The following AGBL1 variants were observed in gnomAD, a reference collection of about 807,000 sequenced individuals.
The protein encoded by AGBL1 is cytosolic carboxypeptidase 4.
A neutral mutation model predicts 118.9 loss-of-function variants in AGBL1; 130 were observed. The observed-to-expected ratio is 1.09, with a 90% CI of 0.95 to 1.26. The LOEUF (loss-of-function observed/expected upper bound fraction) is 1.26. AGBL1 is among the 50% of genes most tolerant of loss of function. AGBL1 has a pLI of 0.00. For missense variants in AGBL1, 1,584 were observed against 1,298.1 expected, an observed-to-expected ratio of 1.22 and a Z score of -3.38; for synonymous variants, 555 against 478.9, an observed-to-expected ratio of 1.16 and a Z score of -2.08.
chr15:86,247,642 A>C (rs1382454700), intron 6 of AGBL1, 29 bp from the exon 7 acceptor site: 1 of 1,567,846 alleles, frequency 6.4e-7, no homozygotes, highest in South Asian at 1.2e-5. Context: ...AGAGCCTGTG[A>C]CTGACCCTGC....
At chr15:86,278,235 C>A (rs1314902028) in intron 15 of AGBL1, among the ~76,000 whole-genome samples, 1 of 152,156 alleles carries the variant, frequency 6.6e-6, no homozygotes. Flanking sequence ...TTTCTGTGGG[C>A]ATAAAGGAAA....
intron 24 of AGBL1, among the ~76,000 whole-genome samples, chr15:87,018,077 T>C (rs1267526706): frequency 6.6e-6 from 1 of 151,622 alleles, no homozygotes. Flanking sequence ...TAGAGAAAAA[T>C]AATGAAAAGG....
chr15:86,941,972 G>C (rs552459333), intron 23 of AGBL1, among the ~76,000 whole-genome samples: 1 of 152,204 alleles, frequency 6.6e-6, no homozygotes, highest in Non-Finnish European at 1.5e-5. Flanking sequence ...TAAAAAGGGT[G>C]ATATTGGAAC....
chr15:86,091,622 C>G (rs567307068), intron 1 of AGBL1, among the ~76,000 whole-genome samples: 3 of 152,284 alleles, frequency 2.0e-5, no homozygotes, highest in African/African-American at 7.2e-5. Context: ...ACACTTTTCC[C>G]AGATAGATAT....
intron 20 of AGBL1, 54 bp from the exon 21 acceptor site, chr15:86,554,307 A>G: frequency 7.1e-7 from 1 of 1,408,800 alleles, no homozygotes; most frequent in Non-Finnish European, 9.6e-7. Flanking sequence ...TTTTATGATG[A>G]CTATCCCTAG....
intron 22 of AGBL1, among the ~76,000 whole-genome samples, chr15:86,770,375 C>T (rs2078159880): frequency 6.6e-6 from 1 of 151,812 alleles, no homozygotes; most frequent in Non-Finnish European, 1.5e-5. Flanking sequence ...ATCTTCATGA[C>T]TGGGAAGGTA....
At chr15:86,997,441 G>A (rs2081390587) in intron 24 of AGBL1, among the ~76,000 whole-genome samples, 1 of 152,112 alleles carries the variant, frequency 6.6e-6, no homozygotes, top group South Asian at 2.1e-4. Context: ...TTGTTTACAT[G>A]TCAAAAATAA....
intron 18 of AGBL1, among the ~76,000 whole-genome samples, chr15:86,482,762 A>G (rs975256482): frequency 6.6e-6 from 1 of 152,052 alleles, no homozygotes; most frequent in Non-Finnish European, 1.5e-5. Context: ...GGGTCTATAC[A>G]CAGTCAACAT....
intron 17 of AGBL1, 149 bp from the exon 18 acceptor site, chr15:86,397,217 A>G: frequency 3.6e-6 from 2 of 558,944 alleles, no homozygotes; most frequent in Non-Finnish European, 5.7e-6. Flanking sequence ...AACTGAAAAC[A>G]TTGAAGGAAA....
At chr15:86,286,045 A>G (rs1445857176) in intron 16 of AGBL1, among the ~76,000 whole-genome samples, 1 of 152,004 alleles carries the variant, frequency 6.6e-6, no homozygotes, top group Non-Finnish European at 1.5e-5. Flanking sequence ...CTTAATTGTA[A>G]TATCACAGAA....
Position 86,564,539 on chromosome 15 carries a change from C to T in AGBL1, c.2994+10002C>T, listed in dbSNP as rs536150216. Among the ~76,000 whole-genome samples the T allele has an allele frequency of 3.3e-5, 5 of 152,300 alleles. No individual in the cohort carries two copies. In the South Asian group the frequency reaches 1.0e-3, roughly 32 times the overall value. On this transcript the variant is annotated intron_variant, in intron 21 of 22. Transcript: ENST00000614907. Reference sequence around the variant, plus strand: ...GGGCTTCCCTTTGTGGGTAACCCGACCTTTCTCTCTGGCTGCCCTTAACAT... The same window carrying T: ...GGGCTTCCCTTTGTGGGTAACCCGATCTTTCTCTCTGGCTGCCCTTAACAT...
chr15:86,215,661 A>G (rs2078176331), intron 5 of AGBL1, among the ~76,000 whole-genome samples: 1 of 152,172 alleles, frequency 6.6e-6, no homozygotes, highest in South Asian at 2.1e-4. Flanking sequence ...TACCTTTCTT[A>G]GTCTCTTCAT....
At chr15:86,941,114 A>C (rs1214881432) in intron 23 of AGBL1, among the ~76,000 whole-genome samples, 1 of 152,250 alleles carries the variant, frequency 6.6e-6, no homozygotes, top group Non-Finnish European at 1.5e-5. Flanking sequence ...GAAGTAAAAA[A>C]CATGGTTCTA....
rs2080358089 is a variant in AGBL1 at position 86,911,966 on chromosome 15, A to C, written c.*4672A>C. 6.6e-6 allele frequency: 1 copy of C among 152,134 alleles called. No individual in the cohort carries two copies. The highest frequency in any genetic ancestry group is 2.4e-5 in the African/African-American group (1 of 41,414). The allele number at this position is 152,134 out of a possible 1,614,324, so 9.4% of individuals were successfully genotyped here. A position where few individuals can be genotyped will look rare whatever the true frequency, so the allele number is the denominator to read the frequency against. ...GAGCTCTAAAGTGCACAAACCTGCTATTATCTTGGCATCTGTCCCTATACC... is the reference window on the plus strand; with the variant it reads ...GAGCTCTAAAGTGCACAAACCTGCTCTTATCTTGGCATCTGTCCCTATACC... On this transcript the variant is annotated 3_prime_UTR_variant, in exon 23 of 23. Coordinates refer to ENST00000614907, the MANE Select transcript of AGBL1 (RefSeq NM_001386094.1).
At chr15:86,395,125 T>TCA (rs2081344307) in intron 17 of AGBL1, among the ~76,000 whole-genome samples, 1 of 152,130 alleles carries the variant, frequency 6.6e-6, no homozygotes, top group African/African-American at 2.4e-5. Flanking sequence ...ACTCTATGGT[T>TCA]GAGAATGTCT....
At chr15:86,744,635 GA>G (rs574391295) in intron 22 of AGBL1, among the ~76,000 whole-genome samples, 6 of 152,226 alleles carry the variant, frequency 3.9e-5, no homozygotes, top group South Asian at 2.1e-4. Context: ...TTCACCCCCA[GA>G]GGGGGGGAGG....
At chr15:86,307,081 G>A (rs1597712337) in intron 17 of AGBL1, among the ~76,000 whole-genome samples, 1 of 152,056 alleles carries the variant, frequency 6.6e-6, no homozygotes, top group African/African-American at 2.4e-5. Flanking sequence ...TTGTCAGAGG[G>A]GAGTTTTAAA....
rs1282756484 is a variant in AGBL1 at position 86,633,843 on chromosome 15, ATAATG to A, written c.2995-40427_2995-40423del. On this transcript the variant is annotated intron_variant, in intron 21 of 22. Transcript: ENST00000614907. ...GTATATATATATAATGTATATATAT[ATAATG>A]TATATATATATATAATGTATATATA... Among the ~76,000 whole-genome samples, 459 of 67,236 alleles carry A rather than the reference ATAATG, an allele frequency of 6.8e-3. 1 individual carries two copies. Among genetic ancestry groups the A allele is most frequent in the Non-Finnish European group, 8.0e-3 (309 of 38,864 alleles). The allele number at this position is 67,236 out of a possible 152,430, so 44.1% of individuals were successfully genotyped here. A position where few individuals can be genotyped will look rare whatever the true frequency, so the allele number is the denominator to read the frequency against.
chr15:86,640,289 A>G (rs1033525838), intron 21 of AGBL1, among the ~76,000 whole-genome samples: 3 of 152,206 alleles, frequency 2.0e-5, no homozygotes. Flanking sequence ...GAGTGGGAAT[A>G]TCACATATTA....
Sources: allele counts gnomAD v4.1 joint callset (sites outside exome capture counted in the v4.1 genomes callset), GRCh38; gene constraint gnomAD v4.1.1; transcripts MANE v1.5; gene names NCBI Gene and HGNC (gene_info 2026-07-23, HGNC 2026-07-21).